RSPO2: variants seen among roughly 807,000 people sequenced by gnomAD.
RSPO2 encodes R-spondin 2.
RSPO2 carries 14 observed loss-of-function variants against 30.9 expected under a neutral mutation model. The observed-to-expected ratio is 0.45, with a 90% CI of 0.30 to 0.71. The LOEUF is 0.71. RSPO2 is among the 30% of genes least tolerant of loss of function. The pLI is 0.08. For synonymous variants in RSPO2, 107 were observed against 96.4 expected (o/e 1.11, Z -0.64); for missense variants, 264 against 301.9 (o/e 0.87, Z 0.93).
intron 5 of RSPO2, among the ~76,000 whole-genome samples, chr8:107,947,301 G>A (rs1020686746): frequency 1.8e-4 from 27 of 152,174 alleles, no homozygotes; most frequent in African/African-American, 6.0e-4. Context: ...TCATTATAAG[G>A]TTAACATGGC....
At chr8:107,930,576 A>G (rs911847387) in intron 5 of RSPO2, among the ~76,000 whole-genome samples, 1 of 152,208 alleles carries the variant, frequency 6.6e-6, no homozygotes, top group Non-Finnish European at 1.5e-5. Context: ...TGATATGCAG[A>G]TACATTCTGA....
At chr8:107,981,016 AG>A (rs1352139198) in intron 3 of RSPO2, among the ~76,000 whole-genome samples, 1 of 152,206 alleles carries the variant, frequency 6.6e-6, no homozygotes, top group East Asian at 1.9e-4. Context: ...TTTATTTCTC[AG>A]TAATCCCAAA....
intron 3 of RSPO2, among the ~76,000 whole-genome samples, chr8:107,977,778 C>G (rs1353249469): frequency 6.6e-6 from 1 of 152,042 alleles, no homozygotes; most frequent in African/African-American, 2.4e-5. Flanking sequence ...CAGTTTCACT[C>G]CCACCAGATT....
At chr8:107,913,190 T>C (rs1344802755) in intron 5 of RSPO2, among the ~76,000 whole-genome samples, 1 of 152,122 alleles carries the variant, frequency 6.6e-6, no homozygotes, top group African/African-American at 2.4e-5. Flanking sequence ...ACTTATGTAG[T>C]CTGGTCCCAA....
intron 2 of RSPO2, among the ~76,000 whole-genome samples, chr8:108,040,346 TG>T (rs1437917974): frequency 2.6e-5 from 4 of 152,160 alleles, no homozygotes; most frequent in East Asian, 1.9e-4. Context: ...GCATCTAGAC[TG>T]GGTCTTACAG....
At chr8:108,054,945 C>T (rs1812196407) in intron 2 of RSPO2, among the ~76,000 whole-genome samples, 1 of 151,982 alleles carries the variant, frequency 6.6e-6, no homozygotes, top group Admixed American at 6.6e-5. Flanking sequence ...AAAACCCTGT[C>T]TCTAACAAAA....
chr8:108,029,823 A>G (rs1410077690), intron 2 of RSPO2, among the ~76,000 whole-genome samples: 1 of 152,214 alleles, frequency 6.6e-6, no homozygotes, highest in Non-Finnish European at 1.5e-5. Context: ...GAAAACTCTT[A>G]AGTCTGACTG....
intron 5 of RSPO2, among the ~76,000 whole-genome samples, chr8:107,935,571 GCCACAAAATCATGCTCTA>G (rs1003735534): frequency 7.2e-5 from 11 of 152,124 alleles, no homozygotes; most frequent in East Asian, 3.9e-4. Flanking sequence ...ATGCACCAAA[GCCACAAAATCATGCTCTA>G]CCACAAAATC....
chr8:108,075,032 A>AT (rs1051011652), intron 2 of RSPO2, among the ~76,000 whole-genome samples: 29 of 152,236 alleles, frequency 1.9e-4, no homozygotes, highest in African/African-American at 7.0e-4. Context: ...CTAGGATTAA[A>AT]TTTTTTCCTG....
At chr8:107,904,981 G>A (rs1811592325) in intron 5 of RSPO2, among the ~76,000 whole-genome samples, 1 of 152,050 alleles carries the variant, frequency 6.6e-6, no homozygotes, top group South Asian at 2.1e-4. Flanking sequence ...AATTCCTTAT[G>A]GAAATACTGC....
At chr8:107,985,979 A>AT (rs961184127) in intron 3 of RSPO2, among the ~76,000 whole-genome samples, 3 of 152,336 alleles carry the variant, frequency 2.0e-5, no homozygotes, top group African/African-American at 7.2e-5. Flanking sequence ...TACTCTAGTG[A>AT]TTAGGAAACA....
At chr8:107,977,133 G>A (rs939750690) in intron 3 of RSPO2, among the ~76,000 whole-genome samples, 1 of 152,166 alleles carries the variant, frequency 6.6e-6, no homozygotes, top group African/African-American at 2.4e-5. Context: ...CCATAAACAG[G>A]TATGTGTGAA....
At chr8:107,942,385 C>A (rs1482222246) in intron 5 of RSPO2, among the ~76,000 whole-genome samples, 1 of 152,176 alleles carries the variant, frequency 6.6e-6, no homozygotes, top group African/African-American at 2.4e-5. Context: ...TCACAATGAT[C>A]TCCTAAGAGA....
In RSPO2 at chr8:107,961,320, C is replaced by T. The variant is rs574216311; in HGVS notation, c.284-503G>A. Among the ~76,000 whole-genome samples the T allele has an allele frequency of 3.3e-5, 5 of 152,206 alleles. No homozygotes were observed. In the South Asian group the frequency reaches 1.0e-3, roughly 32 times the overall value. The stretch of plus-strand genomic sequence containing the variant: ...GCACCTACATTCATCAGAGGGTGAC[C>T]TGGGTGGGGCATGGGGGTGGAAGTT... On this transcript the variant is annotated intron_variant, in intron 3 of 5. Transcript: ENST00000276659.
chr8:107,935,685 T>A (rs1000164937), intron 5 of RSPO2, among the ~76,000 whole-genome samples: 10 of 152,156 alleles, frequency 6.6e-5, no homozygotes, highest in Admixed American at 4.6e-4. Flanking sequence ...GAGCTAGGAA[T>A]CTGGAACAAT....
intron 5 of RSPO2, among the ~76,000 whole-genome samples, chr8:107,954,205 T>C (rs570940636): frequency 7.2e-5 from 11 of 152,330 alleles, no homozygotes; most frequent in Admixed American, 3.3e-4. Flanking sequence ...TGTGAAAGAA[T>C]AGAAGACCAC....
In RSPO2 at chr8:107,973,281, T is replaced by TG. The variant is rs551349917; in HGVS notation, c.284-12465dup. ...CGAGACTCCATCTCAAAAAAAAAAATGGGGGGGGAACTAGCCAAGGAAATT... is the reference window on the plus strand; with the variant it reads ...CGAGACTCCATCTCAAAAAAAAAAATGGGGGGGGGAACTAGCCAAGGAAATT... On this transcript the variant is annotated intron_variant, in intron 3 of 5. Coordinates refer to ENST00000276659, the MANE Select transcript of RSPO2 (RefSeq NM_178565.5). 5.0e-4 allele frequency among the ~76,000 whole-genome samples: 73 copies of TG among 146,140 alleles called. 1 individual carries two copies. The highest frequency in any genetic ancestry group is 1.5e-3 in the South Asian group (7 of 4,570).
At chr8:107,983,231 C>A (rs1019776089) in intron 3 of RSPO2, 26 of 1,576,508 alleles carry the variant, frequency 1.6e-5, no homozygotes, top group Non-Finnish European at 2.2e-5. Flanking sequence ...AAGGCTGCAG[C>A]GTATCTTTCT....
intron 5 of RSPO2, among the ~76,000 whole-genome samples, chr8:107,949,212 G>A (rs1813164945): frequency 6.6e-6 from 1 of 151,830 alleles, no homozygotes; most frequent in Non-Finnish European, 1.5e-5. Flanking sequence ...ATGCCTTTGT[G>A]TCCCCAGAGC....
Sources: gnomAD v4.1 joint callset for allele counts (sites outside exome capture counted in the v4.1 genomes callset) on GRCh38, gnomAD v4.1.1 for gene constraint, MANE v1.5 for transcripts, NCBI Gene and HGNC (gene_info 2026-07-23, HGNC 2026-07-21) for gene names.